The following UACA variants were observed in gnomAD, a reference collection of about 807,000 sequenced individuals.
The protein encoded by UACA is uveal autoantigen with coiled-coil domains and ankyrin repeats.
A neutral mutation model predicts 160.5 loss-of-function variants in UACA; 112 were observed. The ratio of observed to expected loss-of-function variants is 0.70; its 90% CI spans 0.60 to 0.82. The LOEUF is 0.82. Ranked by LOEUF, UACA falls within the 40% of genes least tolerant of loss-of-function variation. The probability of loss-of-function intolerance (pLI) is 0.00; values close to 1 mark genes in which losing one functional copy is unlikely to be tolerated. For missense variants in UACA, 1,574 were observed against 1,614.6 expected (o/e 0.97, Z 0.43); for synonymous variants, 557 against 568.4 (o/e 0.98, Z 0.29).
At chr15:70,737,963 A>G (rs537903708) in intron 1 of UACA, among the ~76,000 whole-genome samples, 1 of 152,324 alleles carries the variant, frequency 6.6e-6, no homozygotes, top group South Asian at 2.1e-4. Flanking sequence ...GAGACAACAC[A>G]GCCTTACACA....
rs963610347 is a variant in UACA, at chr15:70,655,747, T to C, written c.*1309A>G. The C allele has an allele frequency of 6.6e-6, 1 of 152,206 alleles. No homozygotes were observed. Among genetic ancestry groups the C allele is most frequent in the Non-Finnish European group, 1.5e-5 (1 of 68,026 alleles). The allele number at this position is 152,206 out of a possible 1,614,324, so 9.4% of individuals were successfully genotyped here. A position where few individuals can be genotyped will look rare whatever the true frequency, so the allele number is the denominator to read the frequency against. ...TTATTCTTTGGTATGAGAAGTCATT[T>C]TGATGGTATTTTTACCCTATTAAAC... On this transcript the variant is annotated 3_prime_UTR_variant, in exon 19 of 19. Coordinates refer to ENST00000322954, the MANE Select transcript of UACA (RefSeq NM_018003.4).
intron 1 of UACA, among the ~76,000 whole-genome samples, chr15:70,716,904 T>C (rs1258598632): frequency 6.6e-6 from 1 of 152,180 alleles, no homozygotes; most frequent in African/African-American, 2.4e-5. Context: ...TTAATAATTT[T>C]TATTAATAAA....
At chr15:70,670,872 T>C (rs1161421605) in intron 15 of UACA, among the ~76,000 whole-genome samples, 167 bp downstream of exon 15, 2 of 152,258 alleles carry the variant, frequency 1.3e-5, no homozygotes, top group Non-Finnish European at 2.9e-5. Context: ...AACAGCAATA[T>C]CTGTTTTTAT....
intron 1 of UACA, among the ~76,000 whole-genome samples, chr15:70,724,683 T>C (rs1202929093): frequency 6.6e-6 from 1 of 152,170 alleles, no homozygotes; most frequent in African/African-American, 2.4e-5. Flanking sequence ...GGCACACTTA[T>C]AATTGCCTCA....
Position 70,669,049 on chromosome 15 carries a change from C to T in UACA, c.1635G>A (p.Gln545=). The T allele has an allele frequency of 1.9e-6, 3 of 1,614,086 alleles. No homozygotes were observed. In the South Asian group the frequency reaches 3.3e-5, roughly 18 times the overall value. Residue 545 remains glutamine, a synonymous_variant, in exon 16 of 19, where the codon CAG becomes CAA. Transcript: ENST00000322954. ...CATATTTTACTTTCAAGTCTTTCAA[C>T]TGATCCTTCAGTTCCTCGGTTAGTC... ...NHRLTEELKD[Q]LKDLKVKYEG...
chr15:70,701,782 A>G, intron 1 of UACA: 1 of 1,234,356 alleles, frequency 8.1e-7, no homozygotes, highest in East Asian at 2.4e-5. Flanking sequence ...AATAAAGCAA[A>G]CCAAATTAAT....
At chr15:70,672,912 T>C (rs1326041840) in intron 13 of UACA, among the ~76,000 whole-genome samples, 2 of 151,920 alleles carry the variant, frequency 1.3e-5, no homozygotes, top group Admixed American at 1.3e-4. Flanking sequence ...TTGGCCAACA[T>C]AGTGAAACCC....
At chr15:70,773,606 G>A in the UACA span, among the ~76,000 whole-genome samples, 1 of 152,122 alleles carries the variant, frequency 6.6e-6, no homozygotes, top group African/African-American at 2.4e-5. Flanking sequence ...ACAGGATAAA[G>A]GCAAAAAGAT....
chr15:70,701,070 T>C (rs981346850), intron 1 of UACA, among the ~76,000 whole-genome samples: 11 of 152,092 alleles, frequency 7.2e-5, no homozygotes, highest in African/African-American at 2.7e-4. Flanking sequence ...AAACTGAATA[T>C]GAAAAAAAGA....
intron 1 of UACA, among the ~76,000 whole-genome samples, chr15:70,741,148 G>A (rs1382871486): frequency 6.6e-6 from 1 of 152,196 alleles, no homozygotes; most frequent in Non-Finnish European, 1.5e-5. Flanking sequence ...GTCAAGGCCA[G>A]GCAATAAGCC....
chr15:70,700,314 T>C (rs1898304184), intron 1 of UACA, among the ~76,000 whole-genome samples: 1 of 143,282 alleles, frequency 7.0e-6, no homozygotes, highest in African/African-American at 2.9e-5. Flanking sequence ...TATATATATA[T>C]ATATACACAC....
At chr15:70,703,791 G>C (rs970069604) in intron 1 of UACA, among the ~76,000 whole-genome samples, 5 of 152,128 alleles carry the variant, frequency 3.3e-5, no homozygotes, top group Admixed American at 3.3e-4. Flanking sequence ...TTCTGTGCCT[G>C]CTTTCACACC....
chr15:70,705,941 T>C (rs569760861), intron 1 of UACA, among the ~76,000 whole-genome samples: 4 of 152,348 alleles, frequency 2.6e-5, no homozygotes, highest in African/African-American at 4.8e-5. Context: ...AAAATCCCCA[T>C]GTTTTAAAAA....
rs540276207 is a variant in UACA, at chr15:70,754,681, T to C, written c.78+8649A>G. On this transcript the variant is annotated intron_variant, in intron 1 of 18. Transcript: ENST00000322954. ...TCTGCATATCATCTTGGAGACTGTA[T>C]CATTTGAAAATAAGTCAATGTCAAC... 4.5e-4 allele frequency among the ~76,000 whole-genome samples: 68 copies of C among 152,250 alleles called. 1 individual carries two copies. In the South Asian group the frequency reaches 0.012, roughly 26 times the overall value.
At chr15:70,766,274 A>C (rs2031006884), upstream of UACA, among the ~76,000 whole-genome samples, 1 of 152,218 alleles carries the variant, frequency 6.6e-6, no homozygotes, top group South Asian at 2.1e-4. Context: ...TATATGAAGT[A>C]AAGTCACTAT....
the UACA span, among the ~76,000 whole-genome samples, chr15:70,777,400 C>A: frequency 3.9e-5 from 6 of 152,116 alleles, no homozygotes; most frequent in African/African-American, 1.4e-4. Flanking sequence ...GAGTCATCAA[C>A]ATACAGCTGG....
the UACA span, among the ~76,000 whole-genome samples, chr15:70,776,102 A>G: frequency 2.0e-5 from 3 of 152,348 alleles, no homozygotes; most frequent in African/African-American, 4.8e-5. Flanking sequence ...TCCTGGTGTT[A>G]TATGAACACT....
intron 3 of UACA, among the ~76,000 whole-genome samples, chr15:70,693,251 T>C (rs1898002964): frequency 6.6e-6 from 1 of 152,118 alleles, no homozygotes; most frequent in South Asian, 2.1e-4. Context: ...ATATCAAATC[T>C]AGCCACTTGA....
chr15:70,737,951 T>C (rs1794298555), intron 1 of UACA, among the ~76,000 whole-genome samples: 1 of 152,174 alleles, frequency 6.6e-6, no homozygotes, highest in Admixed American at 6.5e-5. Flanking sequence ...TTTCCAATAA[T>C]AGAGACAACA....
Sources: gnomAD v4.1 joint callset for allele counts (sites outside exome capture counted in the v4.1 genomes callset) on GRCh38, gnomAD v4.1.1 for gene constraint, MANE v1.5 for transcripts, NCBI Gene and HGNC (gene_info 2026-07-23, HGNC 2026-07-21) for gene names.